Variants in ARR3 observed in about 807,000 individuals in gnomAD.
The protein encoded by ARR3 is arrestin-C.
A neutral mutation model predicts 35.4 loss-of-function variants in ARR3; 14 were observed. The ratio of observed to expected loss-of-function variants is 0.40; its 90% CI spans 0.26 to 0.62. The LOEUF is 0.62. Ranked by LOEUF, ARR3 falls within the 20% of genes least tolerant of loss-of-function variation. The probability of loss-of-function intolerance (pLI) is 0.46; values close to 1 mark genes in which losing one functional copy is unlikely to be tolerated. For synonymous variants in ARR3, 97 were observed against 119.1 expected (o/e 0.81, Z 1.21); for missense variants, 259 against 303.8 (o/e 0.85, Z 1.10).
chrX:70,270,886 A>T (rs2085627577), intron 5 of ARR3, among the ~76,000 whole-genome samples: 1 of 104,291 alleles, frequency 9.6e-6, no homozygotes, highest in African/African-American at 3.5e-5. Flanking sequence ...GATTATGCTG[A>T]TTTTTTTTTT....
chrX:70,281,215 A>C (rs1468452261), intron 16 of ARR3, 107 bp downstream of exon 16: 1 of 990,511 alleles, frequency 1.0e-6, no homozygotes, highest in African/African-American at 1.9e-5. Context: ...CTTTCAATAC[A>C]TGTGCAGTGG....
chrX:70,281,850 C>G, downstream of ARR3: 4 of 800,089 alleles, frequency 5.0e-6, no homozygotes, highest in Non-Finnish European at 7.1e-6. Context: ...GCCTAGCGAT[C>G]TCTTGCCTAT....
chrX:70,281,008 G>GC (rs1292059637), intron 15 of ARR3, 91 bp from the exon 16 acceptor site: 22 of 961,770 alleles, frequency 2.3e-5, no homozygotes, highest in South Asian at 1.1e-4. Context: ...AAGTTGGGGG[G>GC]GGGGGAAGTA....
chrX:70,275,150 T>C (rs1265281754), intron 5 of ARR3, among the ~76,000 whole-genome samples: 2 of 112,624 alleles, frequency 1.8e-5, no homozygotes, highest in East Asian at 5.5e-4. Context: ...TACGAGCAGA[T>C]TTAATTTTAC....
chrX:70,270,101 C>T lies in ARR3; in HGVS notation c.102C>T (p.Asp34=), dbSNP rs773410236. 3.7e-5 allele frequency: 45 copies of T among 1,210,307 alleles called. No individual in the cohort carries two copies. In the South Asian group the frequency reaches 6.7e-4, roughly 18 times the overall value. ...VDHVDTVEPI[D]GVVLVDPEYL... is the part of the protein sequence containing the mutation. ...TGCTGTCTGTCCTTCTCTCCACAGA[C>T]GGTGTTGTCCTGGTTGATCCTGAGT... is the stretch of plus-strand genomic sequence containing the variant. The change falls in exon 5 of 17, where the codon GAC becomes GAT. Residue 34 remains aspartate (D), a splice_region_variant and synonymous_variant. Transcript: ENST00000307959.
At position 70,269,856 on chromosome X, in the gene ARR3, T is replaced by C; in HGVS notation, c.53T>C (p.Leu18Pro). The change falls in exon 4 of 17, where the codon CTG becomes CCG. Residue 18 changes from leucine (L) to proline (P), a missense_variant. Transcript: ENST00000307959. Reference protein sequence around the residue: ...TSSNGKLSIYLGKRDFVDHVD... With the variant: ...TSSNGKLSIYPGKRDFVDHVD... The stretch of plus-strand genomic sequence containing the variant: ...GTTCCACAACAGCTCTCCATCTACC[T>C]GGGGAAACGGGACTTCGTGGACCAT... The C allele has an allele frequency of 8.3e-7, 1 of 1,208,886 alleles. No homozygotes were observed. Among genetic ancestry groups the C allele is most frequent in the Non-Finnish European group, 1.1e-6 (1 of 894,122 alleles).
intron 16 of ARR3, 95 bp from the exon 17 acceptor site, chrX:70,281,581 G>A: frequency 1.4e-6 from 1 of 731,758 alleles, no homozygotes; most frequent in Non-Finnish European, 2.1e-6. Flanking sequence ...AGCAGGGAGG[G>A]GATCACTTTT....
Position 70,277,969 on chromosome X carries a change from AGT to A in ARR3, c.695-93_695-92del, listed in dbSNP as rs964509785. On this transcript the variant is annotated intron_variant, in intron 10 of 16. Coordinates refer to ENST00000307959, the MANE Select transcript of ARR3 (RefSeq NM_004312.3). Reference sequence around the variant, plus strand: ...GAGCATGTCTCACTGCATCATGTATAGTGTGCCTATGTATAAGGTCACATCTA... The same window carrying A: ...GAGCATGTCTCACTGCATCATGTATAGTGCCTATGTATAAGGTCACATCTA... 30 of 897,182 alleles carry A rather than the reference AGT, an allele frequency of 3.3e-5. No individual in the cohort carries two copies. In the African/African-American group the frequency reaches 5.7e-4, roughly 17 times the overall value. 73.9% of individuals were successfully genotyped at this position (897,182 alleles called of 1,213,427 possible). A position where few individuals can be genotyped will look rare whatever the true frequency, so the allele number is the denominator to read the frequency against.
chrX:70,277,336 G>A, intron 8 of ARR3, 58 bp from the exon 9 acceptor site: 3 of 1,177,123 alleles, frequency 2.5e-6, no homozygotes, highest in Non-Finnish European at 3.4e-6. Context: ...GGTGGCATGG[G>A]AGAGGTCTGT....
chrX:70,276,561 C>G (rs1359006841), intron 7 of ARR3, 69 bp downstream of exon 7: 1 of 1,173,875 alleles, frequency 8.5e-7, no homozygotes, highest in African/African-American at 1.8e-5. Context: ...ACAGTCAAGA[C>G]TGGAGAAATG....
At chrX:70,280,094 A>G in intron 12 of ARR3, 101 bp from the exon 13 acceptor site, 1 of 771,797 alleles carries the variant, frequency 1.3e-6, no homozygotes, top group Non-Finnish European at 2.0e-6. Context: ...AAGACTAAAC[A>G]TAATAGGGTG....
At chrX:70,277,290 C>A in intron 8 of ARR3, 104 bp from the exon 9 acceptor site, 8 of 1,067,614 alleles carry the variant, frequency 7.5e-6, no homozygotes, top group Non-Finnish European at 1.0e-5. Context: ...GAGGCCTTCC[C>A]CTGCTCCCAT....
chrX:70,269,799 C>A (rs1163684969), intron 3 of ARR3, 44 bp from the exon 4 acceptor site: 4 of 1,196,930 alleles, frequency 3.3e-6, no homozygotes, highest in Non-Finnish European at 4.5e-6. Flanking sequence ...GGAATCCATT[C>A]AAAAATGATT....
rs1339647837 is a variant in ARR3 at position 70,280,205 on chromosome X, G to T, written c.916G>T (p.Gly306Ter). The change falls in exon 13 of 17, where the codon GGA (glycine) becomes TGA (stop). Residue 306 changes from glycine (G) to a stop codon, truncating the protein, a stop_gained. Transcript: ENST00000307959. LOFTEE classifies it high-confidence loss of function. ...NLASSTIIRP[G>*]MDKELLGILV... Reference sequence around the variant, plus strand: ...TACTACAACCTCCAGTATTAGACCGGGAATGGACAAAGAGCTGCTGGGGAT... The same window carrying T: ...TACTACAACCTCCAGTATTAGACCGTGAATGGACAAAGAGCTGCTGGGGAT... 8.3e-7 allele frequency: 1 copy of T among 1,211,006 alleles called. No homozygotes were observed. The highest frequency in any genetic ancestry group is 1.1e-6 in the Non-Finnish European group (1 of 894,928).
intron 1 of ARR3, 162 bp from the exon 2 acceptor site, chrX:70,269,194 T>A (rs763792978): frequency 5.5e-5 from 10 of 182,382 alleles, no homozygotes; most frequent in Non-Finnish European, 7.6e-5. Context: ...GCTGAAGAAG[T>A]ACCCTTGGCA....
At chrX:70,275,824 C>T in intron 5 of ARR3, among the ~76,000 whole-genome samples, 1 of 108,101 alleles carries the variant, frequency 9.3e-6, no homozygotes, top group East Asian at 2.9e-4. Flanking sequence ...CGCCCACTAC[C>T]ACCAAGCCAG....
At chrX:70,274,677 G>C (rs770524279) in intron 5 of ARR3, among the ~76,000 whole-genome samples, 4 of 112,473 alleles carry the variant, frequency 3.6e-5, no homozygotes, top group Non-Finnish European at 5.6e-5. Context: ...GTCTGATGAC[G>C]GCTGCTCTCT....
chrX:70,281,271 G>A, intron 16 of ARR3, 163 bp downstream of exon 16: 1 of 607,280 alleles, frequency 1.6e-6, no homozygotes, highest in Non-Finnish European at 2.6e-6. Context: ...CTTTTCATAT[G>A]CCCTCCTTTC....
intron 5 of ARR3, 115 bp from the exon 6 acceptor site, chrX:70,275,967 G>A (rs5936871): frequency 0.37 from 318,095 of 851,704 alleles, 45,286 homozygotes; most frequent in Admixed American, 0.48. Flanking sequence ...GTGAGCCACC[G>A]CGCCCAGCCA....
Sources: allele counts gnomAD v4.1 joint callset (sites outside exome capture counted in the v4.1 genomes callset), GRCh38; gene constraint gnomAD v4.1.1; transcripts MANE v1.5; gene names NCBI Gene and HGNC (gene_info 2026-07-23, HGNC 2026-07-21).